The following ZFPM1 variants were observed in gnomAD, a reference collection of about 807,000 sequenced individuals.
ZFPM1 encodes zinc finger protein, FOG family member 1.
ZFPM1 carries 28 observed loss-of-function variants against 46.3 expected under a neutral mutation model. That is an observed-to-expected ratio of 0.60 (90% CI 0.45 to 0.83). The LOEUF (loss-of-function observed/expected upper bound fraction) is 0.83, where lower values mean the gene tolerates loss of function less well. ZFPM1 is among the 40% of genes least tolerant of loss of function. The pLI is 0.00. For missense variants in ZFPM1, 1,878 were observed against 1,432.4 expected (o/e 1.31, Z -5.02); for synonymous variants, 957 against 675.9 (o/e 1.42, Z -6.45).
At chr16:88,495,110 T>C (rs1308355454) in intron 3 of ZFPM1, among the ~76,000 whole-genome samples, 2 of 152,210 alleles carry the variant, frequency 1.3e-5, no homozygotes, top group Non-Finnish European at 1.5e-5. Context: ...ATCCCACTCC[T>C]GCCTCGGAAA....
intron 3 of ZFPM1, 62 bp from the exon 4 acceptor site, chr16:88,514,325 G>A (rs74384396): frequency 1.3e-5 from 20 of 1,543,578 alleles, no homozygotes; most frequent in Non-Finnish European, 1.4e-5. Flanking sequence ...CAACCCTAGC[G>A]GGAGGTGGGC....
intron 4 of ZFPM1, among the ~76,000 whole-genome samples, chr16:88,521,379 T>C (rs575126011): frequency 4.8e-4 from 73 of 152,128 alleles, no homozygotes; most frequent in African/African-American, 1.7e-3. Context: ...GCTCCCTGCA[T>C]GGTTTCAGAG....
chr16:88,534,208 C>T lies in ZFPM1; in HGVS notation c.2250C>T (p.His750=), dbSNP rs998505373. The T allele has an allele frequency of 2.5e-5, 25 of 983,076 alleles. No individual in the cohort carries two copies. The highest frequency in any genetic ancestry group is 1.2e-4 in the African/African-American group (7 of 56,332). The allele number at this position is 983,076 out of a possible 1,614,324, so 60.9% of individuals were successfully genotyped here. A position where few individuals can be genotyped will look rare whatever the true frequency, so the allele number is the denominator to read the frequency against. Residue 750 remains histidine, a synonymous_variant, in exon 10 of 10, where the codon CAC becomes CAT. Transcript: ENST00000319555. ...TRRRRKLYEL[H]AAGAPPPPPP... Reference sequence around the variant, plus strand: ...GACGCCGCAAGCTCTACGAGCTGCACGCGGCCGGCGCCCCGCCCCCCCCGC... The same window carrying T: ...GACGCCGCAAGCTCTACGAGCTGCATGCGGCCGGCGCCCCGCCCCCCCCGC...
rs1409495998 is a variant in ZFPM1, at chr16:88,520,570, A to AAGGGGGGG, written c.402+6050_402+6051insAGGGGGGG. 3.1e-4 allele frequency among the ~76,000 whole-genome samples: 37 copies of AAGGGGGGG among 119,016 alleles called. 1 individual carries two copies. The East Asian group carries it at 9.7e-3, about 31-fold the overall frequency. 78.1% of individuals were successfully genotyped at this position (119,016 alleles called of 152,430 possible). A position where few individuals can be genotyped will look rare whatever the true frequency, so the allele number is the denominator to read the frequency against. ...AAAGGATGGATGGATGGATGGATGG[A>AAGGGGGGG]TGGATGGATGGATGGATGGGAGGGT... On this transcript the variant is annotated intron_variant, in intron 4 of 9. Coordinates refer to ENST00000319555, the MANE Select transcript of ZFPM1 (RefSeq NM_153813.3).
At chr16:88,510,989 A>G (rs1373623853) in intron 3 of ZFPM1, among the ~76,000 whole-genome samples, 1 of 151,728 alleles carries the variant, frequency 6.6e-6, no homozygotes, top group African/African-American at 2.4e-5. Flanking sequence ...GGTTTTTGGG[A>G]GCCACAGCTA....
rs753742076 is a variant in ZFPM1, at chr16:88,534,536, C to A, written c.2578C>A (p.Pro860Thr). 3 of 1,394,746 alleles carry A rather than the reference C, an allele frequency of 2.2e-6. No homozygotes were observed. The East Asian group carries it at 9.5e-5, about 44-fold the overall frequency. 86.4% of individuals were successfully genotyped at this position (1,394,746 alleles called of 1,614,324 possible). Residue 860 changes from proline (P) to threonine (T), a missense_variant, in exon 10 of 10, where the codon CCC becomes ACC. Coordinates refer to ENST00000319555, the MANE Select transcript of ZFPM1 (RefSeq NM_153813.3). ...GLPAAACPYC[P>T]PNGPVRGDLL... ...GCCCGCCGCCGCCTGCCCCTACTGC[C>A]CCCCGAACGGCCCGGTGCGCGGGGA... is the stretch of plus-strand genomic sequence containing the variant.
intron 1 of ZFPM1, among the ~76,000 whole-genome samples, chr16:88,479,890 C>T (rs527749395): frequency 4.1e-5 from 6 of 146,158 alleles, no homozygotes; most frequent in Admixed American, 6.8e-5. Flanking sequence ...CTTCCTCCCC[C>T]AGCCCTGGCC....
At chr16:88,499,225 C>A (rs964190564) in intron 3 of ZFPM1, among the ~76,000 whole-genome samples, 1 of 152,178 alleles carries the variant, frequency 6.6e-6, no homozygotes, top group Non-Finnish European at 1.5e-5. Context: ...GCCTCCACCC[C>A]GGGAAAGTCA....
At chr16:88,494,776 A>C (rs1261049807) in intron 3 of ZFPM1, among the ~76,000 whole-genome samples, 1 of 151,984 alleles carries the variant, frequency 6.6e-6, no homozygotes, top group Admixed American at 6.5e-5. Flanking sequence ...AGCCGGCAGG[A>C]GGAGAGAAGG....
At chr16:88,475,421 C>G (rs941384395) in intron 1 of ZFPM1, among the ~76,000 whole-genome samples, 1 of 152,070 alleles carries the variant, frequency 6.6e-6, no homozygotes. Flanking sequence ...GAAACTGAGG[C>G]CAGCAAGGGG....
intron 4 of ZFPM1, among the ~76,000 whole-genome samples, chr16:88,519,340 G>A (rs1410667256): frequency 6.7e-6 from 1 of 149,998 alleles, no homozygotes; most frequent in African/African-American, 2.5e-5. Flanking sequence ...TGAGTGGATA[G>A]ATGAATGGAT....
intron 3 of ZFPM1, among the ~76,000 whole-genome samples, chr16:88,492,599 T>C (rs1043658473): frequency 6.6e-6 from 1 of 152,186 alleles, no homozygotes; most frequent in Non-Finnish European, 1.5e-5. Flanking sequence ...CTCACAGGTA[T>C]CCTGGGAAAC....
chr16:88,533,672 G>A lies in ZFPM1; in HGVS notation c.1714G>A (p.Gly572Arg), dbSNP rs1382317104. The change falls in exon 10 of 10, where the codon GGG becomes AGG. Residue 572 changes from glycine to arginine, a missense_variant. By Grantham distance (125) the Gly-to-Arg change is moderately radical (BLOSUM62 -2). Coordinates refer to ENST00000319555, the MANE Select transcript of ZFPM1 (RefSeq NM_153813.3). ...CGGCGCGCAGACCGGGCTCTTCCCC[G>A]GGGCCCCCAAGGGCGCTACGTGCTT... ...AGGAQTGLFP[G>R]APKGATCFEC... 11 of 1,489,144 alleles carry A rather than the reference G, an allele frequency of 7.4e-6. No homozygotes were observed. Among genetic ancestry groups the A allele is most frequent in the Non-Finnish European group, 9.9e-6 (11 of 1,115,322 alleles). The allele number at this position is 1,489,144 out of a possible 1,614,324, so 92.2% of individuals were successfully genotyped here.
chr16:88,455,509 C>G (rs945293717), intron 1 of ZFPM1, among the ~76,000 whole-genome samples: 1 of 151,744 alleles, frequency 6.6e-6, no homozygotes, highest in African/African-American at 2.4e-5. Flanking sequence ...TGTCACCAAG[C>G]GGCGGCGCCC....
intron 1 of ZFPM1, among the ~76,000 whole-genome samples, chr16:88,476,253 G>A (rs1434098881): frequency 2.0e-5 from 3 of 152,126 alleles, no homozygotes; most frequent in Non-Finnish European, 2.9e-5. Context: ...TCCCTGCTGG[G>A]GGAGCCCAGG....
At chr16:88,459,430 G>A (rs181015049) in intron 1 of ZFPM1, among the ~76,000 whole-genome samples, 14 of 152,304 alleles carry the variant, frequency 9.2e-5, no homozygotes, top group Non-Finnish European at 1.6e-4. Flanking sequence ...CAAAGTGAGC[G>A]TAATGATAGT....
intron 1 of ZFPM1, among the ~76,000 whole-genome samples, chr16:88,458,925 C>T (rs980134703): frequency 1.3e-5 from 2 of 152,198 alleles, no homozygotes; most frequent in Admixed American, 6.5e-5. Flanking sequence ...ACTCTGGATG[C>T]GCTGTCCTTG....
In ZFPM1 at chr16:88,469,210, C is replaced by G. The variant is rs529169471; in HGVS notation, c.40+15532C>G. On this transcript the variant is annotated intron_variant, in intron 1 of 9. Transcript: ENST00000319555. The surrounding 1 kb of genome is among the most constrained non-coding windows in gnomAD (Gnocchi z 4.3). ...CTCCACCCTCTCCCCGCGCTGACTT[C>G]CATCCGGAACCTCATTCTGCCAAGC... Among the ~76,000 whole-genome samples the G allele has an allele frequency of 6.6e-6, 1 of 152,356 alleles. No individual in the cohort carries two copies. The highest frequency in any genetic ancestry group is 2.4e-5 in the African/African-American group (1 of 41,588).
Position 88,532,609 on chromosome 16 carries a change from T to C in ZFPM1, c.947-5T>C. On this transcript the variant is annotated splice_polypyrimidine_tract_variant and splice_region_variant and intron_variant, in intron 7 of 9. Transcript: ENST00000319555. The stretch of plus-strand genomic sequence containing the variant: ...GGCACCGCTCTTACGCGCCCTGTGT[T>C]CCAGGAGAGCGGCCCTTCGTGTGCC... The C allele has an allele frequency of 6.4e-7, 1 of 1,561,028 alleles. No homozygotes were observed. The highest frequency in any genetic ancestry group is 1.2e-5 in the South Asian group (1 of 85,552).
Sources: allele counts gnomAD v4.1 joint callset (sites outside exome capture counted in the v4.1 genomes callset), GRCh38; gene constraint gnomAD v4.1.1; non-coding constraint Gnocchi (gnomAD v3.1); transcripts MANE v1.5; gene names NCBI Gene and HGNC (gene_info 2026-07-23, HGNC 2026-07-21).